The following MTFR1L variants were observed in gnomAD, a reference collection of about 807,000 sequenced individuals.
MTFR1L encodes the protein mitochondrial fission regulator 1-like.
A neutral mutation model predicts 27.9 loss-of-function variants in MTFR1L; 10 were observed. That is an observed-to-expected ratio of 0.36 (90% CI 0.22 to 0.61). The LOEUF (loss-of-function observed/expected upper bound fraction) is 0.61. MTFR1L is among the 20% of genes least tolerant of loss of function. The pLI is 0.73. For synonymous variants in MTFR1L, 151 were observed against 139.4 expected (o/e 1.08, Z -0.58); for missense variants, 315 against 363.7 (o/e 0.87, Z 1.09).
At chr1:25,821,101 G>A in intron 1 of MTFR1L, 1 of 248,418 alleles carries the variant, frequency 4.0e-6, no homozygotes. Context: ...GGTGCTCAGT[G>A]AATGTGGTCT....
intron 3 of MTFR1L, chr1:25,825,923 T>C: frequency 4.8e-6 from 1 of 208,562 alleles, no homozygotes; most frequent in Non-Finnish European, 9.8e-6. Context: ...AACCTCTGCC[T>C]CCCAGGTTCA....
At chr1:25,829,961 C>A in intron 6 of MTFR1L, 131 bp downstream of exon 6, 1 of 977,972 alleles carries the variant, frequency 1.0e-6, no homozygotes, top group Non-Finnish European at 1.5e-6. Context: ...AGCTTGCTGA[C>A]TACCTGCTTG....
rs1025308288 is a variant in MTFR1L, at chr1:25,824,543, C to T, written c.129+795C>T. Among the ~76,000 whole-genome samples, 8 of 152,168 alleles carry T rather than the reference C, an allele frequency of 5.3e-5. No individual in the cohort carries two copies. The East Asian group carries it at 1.3e-3, about 26-fold the overall frequency. On this transcript the variant is annotated intron_variant, in intron 3 of 6. Transcript: ENST00000374303. ...GAAAGGATGTGGGCCCAGGTAGAAA[C>T]AGAAATGAAGGAGCCAAATCTGTAT...
intron 5 of MTFR1L, 47 bp from the exon 6 acceptor site, chr1:25,829,462 G>A (rs1205513256): frequency 1.3e-6 from 2 of 1,528,756 alleles, no homozygotes; most frequent in Admixed American, 1.8e-5. Context: ...TATTGCTACT[G>A]TGTTCTAGCC....
chr1:25,832,764 A>G lies in MTFR1L; in HGVS notation c.*738A>G, dbSNP rs2048263963. On this transcript the variant is annotated 3_prime_UTR_variant, in exon 7 of 7. Coordinates refer to ENST00000374303, the MANE Select transcript of MTFR1L (RefSeq NM_001099625.2). ...GAAAGAGAGAGGAGGAGGGGGAAAG[A>G]GCAAACCATCTTTCTTCCAGGCCCT... 1 of 157,482 alleles carries G rather than the reference A, an allele frequency of 6.3e-6. No homozygotes were observed. Among genetic ancestry groups the G allele is most frequent in the Non-Finnish European group, 1.4e-5 (1 of 70,708 alleles). 9.8% of individuals were successfully genotyped at this position (157,482 alleles called of 1,614,324 possible). A position where few individuals can be genotyped will look rare whatever the true frequency, so the allele number is the denominator to read the frequency against.
chr1:25,820,347 C>G (rs1455879121), intron 1 of MTFR1L: 1 of 455,638 alleles, frequency 2.2e-6, no homozygotes, highest in Non-Finnish European at 4.4e-6. Flanking sequence ...TCCGCGCACT[C>G]GGGTCCGGGT....
In MTFR1L at chr1:25,823,683, C is replaced by T; in HGVS notation, c.64C>T (p.Arg22Ter). 2 of 1,613,998 alleles carry T rather than the reference C, an allele frequency of 1.2e-6. No homozygotes were observed. Among genetic ancestry groups the T allele is most frequent in the South Asian group, 1.1e-5 (1 of 91,046 alleles). The change falls in exon 3 of 7, where the codon CGA becomes TGA. Residue 22 changes from arginine (R) to a stop codon, truncating the protein, a stop_gained. Transcript: ENST00000374303. LOFTEE classifies it high-confidence loss of function. ...GCAAAACAAGCCACATGGGGCTGCT[C>T]GAAGTGTAGTAAGAAGAATTGGGAC... ...IWQNKPHGAA[R>*]SVVRRIGTNL...
chr1:25,829,356 C>T (rs1389337321), intron 5 of MTFR1L, among the ~76,000 whole-genome samples, 153 bp from the exon 6 acceptor site: 1 of 152,096 alleles, frequency 6.6e-6, no homozygotes, highest in Non-Finnish European at 1.5e-5. Context: ...GTGGAATGAC[C>T]CTCCACTGGC....
chr1:25,822,932 G>C, intron 1 of MTFR1L, 87 bp from the exon 2 acceptor site: 3 of 1,136,230 alleles, frequency 2.6e-6, no homozygotes, highest in Non-Finnish European at 3.9e-6. Context: ...GCTCTGCAGG[G>C]CCTGGTTTTT....
At chr1:25,829,953 C>A in intron 6 of MTFR1L, 123 bp downstream of exon 6, 1 of 1,004,726 alleles carries the variant, frequency 1.0e-6, no homozygotes, top group Non-Finnish European at 1.4e-6. Context: ...ATTCATAAAG[C>A]TTGCTGACTA....
intron 5 of MTFR1L, 35 bp from the exon 6 acceptor site, chr1:25,829,474 C>T (rs2048208593): frequency 6.3e-7 from 1 of 1,582,434 alleles, no homozygotes; most frequent in Admixed American, 1.7e-5. Flanking sequence ...GTTCTAGCCC[C>T]AATGTCCACC....
In MTFR1L at chr1:25,832,107, C is replaced by G. The variant is rs1163083645; in HGVS notation, c.*81C>G. ...CCTTCCTCACCGCAGATGTTTCTGC[C>G]TCTTAAGGATAGATCTTCTGCAACA... On this transcript the variant is annotated 3_prime_UTR_variant, in exon 7 of 7. Coordinates refer to ENST00000374303, the MANE Select transcript of MTFR1L (RefSeq NM_001099625.2). 2.5e-6 allele frequency: 4 copies of G among 1,608,188 alleles called. No homozygotes were observed. Among genetic ancestry groups the G allele is most frequent in the Non-Finnish European group, 3.4e-6 (4 of 1,178,042 alleles).
Position 25,828,281 on chromosome 1 carries a change from T to G in MTFR1L, c.452-1228T>G, listed in dbSNP as rs916431416. Among the ~76,000 whole-genome samples, 3 of 152,336 alleles carry G rather than the reference T, an allele frequency of 2.0e-5. 1 individual carries two copies. Among genetic ancestry groups the G allele is most frequent in the Middle Eastern group, 6.8e-3 (2 of 294 alleles). On this transcript the variant is annotated intron_variant, in intron 5 of 6. Coordinates refer to ENST00000374303, the MANE Select transcript of MTFR1L (RefSeq NM_001099625.2). ...AAGGAGAATTTCATAAAGTTGGAGA[T>G]CTTGGCCTTAAAATACAGTGGTCGG...
chr1:25,830,801 G>A (rs1197774011), intron 6 of MTFR1L, among the ~76,000 whole-genome samples: 1 of 152,178 alleles, frequency 6.6e-6, no homozygotes, highest in African/African-American at 2.4e-5. Flanking sequence ...CTGAAAAGTA[G>A]ACCAGGCTAA....
chr1:25,823,755 A>G lies in MTFR1L; in HGVS notation c.129+7A>G, dbSNP rs1223278702. On this transcript the variant is annotated splice_region_variant and intron_variant, in intron 3 of 6. Coordinates refer to ENST00000374303, the MANE Select transcript of MTFR1L (RefSeq NM_001099625.2). ...TGCCCGGGCGTCCTTTGAGGTGAGT[A>G]TGTTGGAAGGGCAGGAGAGTAGAGG... The G allele has an allele frequency of 2.5e-6, 4 of 1,613,268 alleles. No individual in the cohort carries two copies. In the African/African-American group the frequency reaches 5.3e-5, roughly 22 times the overall value.
chr1:25,822,112 A>G (rs41284309), intron 1 of MTFR1L: 4,680 of 152,056 alleles, frequency 0.031, 110 homozygotes, highest in Non-Finnish European at 0.04. Context: ...ACCCCATTTC[A>G]CTCATTGACC....
chr1:25,823,150 G>A lies in MTFR1L; in HGVS notation c.24+22G>A, dbSNP rs373659812. Reference sequence around the variant, plus strand: ...TGTGGTAAGGGGCATTCCCAGGGCAGGGGTATGGTGGGGAAGGTTGGGTGC... The same window carrying A: ...TGTGGTAAGGGGCATTCCCAGGGCAAGGGTATGGTGGGGAAGGTTGGGTGC... On this transcript the variant is annotated intron_variant, in intron 2 of 6. Coordinates refer to ENST00000374303, the MANE Select transcript of MTFR1L (RefSeq NM_001099625.2). 4.0e-5 allele frequency: 64 copies of A among 1,609,984 alleles called. No homozygotes were observed. The African/African-American group carries it at 7.8e-4, about 19-fold the overall frequency.
chr1:25,829,670 C>T lies in MTFR1L; in HGVS notation c.613C>T (p.Leu205=), dbSNP rs773071630. Residue 205 remains leucine (L), a synonymous_variant, in exon 6 of 7, where the codon CTG becomes TTG. Coordinates refer to ENST00000374303, the MANE Select transcript of MTFR1L (RefSeq NM_001099625.2). The stretch of plus-strand genomic sequence containing the variant: ...GGTCCCTGAGCTTCCATCAGTCCCC[C>T]TGCTTTGTTCTGCCAGCCCTGAATG... The part of the protein sequence containing the change: ...VEVPELPSVP[L]LCSASPECCK... 1 of 1,614,208 alleles carries T rather than the reference C, an allele frequency of 6.2e-7. No individual in the cohort carries two copies. Among genetic ancestry groups the T allele is most frequent in the South Asian group, 1.1e-5 (1 of 91,088 alleles).
rs1256644101 is a variant in MTFR1L, at chr1:25,820,005, G to C, written c.-111G>C. ...GGTGGAAGGAGGGGCCGTGAGGTGA[G>C]AGAGTCCGGGAGCCCGAGCTTGAGG... is the stretch of plus-strand genomic sequence containing the variant. On this transcript the variant is annotated 5_prime_UTR_variant, in exon 1 of 7. Transcript: ENST00000374303. The C allele has an allele frequency of 8.0e-5, 28 of 348,244 alleles. No individual in the cohort carries two copies. Among genetic ancestry groups the C allele is most frequent in the Non-Finnish European group, 1.3e-4 (24 of 180,578 alleles). 21.6% of individuals were successfully genotyped at this position (348,244 alleles called of 1,614,324 possible).
Sources: allele counts gnomAD v4.1 joint callset (sites outside exome capture counted in the v4.1 genomes callset), GRCh38; gene constraint gnomAD v4.1.1; transcripts MANE v1.5; gene names NCBI Gene and HGNC (gene_info 2026-07-23, HGNC 2026-07-21).